Variants in DEAF1 observed in about 807,000 individuals in gnomAD.
DEAF1 encodes the protein deformed epidermal autoregulatory factor 1 homolog.
In DEAF1, 53 loss-of-function variants were observed where a neutral mutation model predicts 58.9. The observed-to-expected ratio is 0.90, with a 90% confidence interval of 0.72 to 1.13. The LOEUF (loss-of-function observed/expected upper bound fraction) is 1.13. DEAF1 is among the 50% of genes most tolerant of loss of function. The pLI, the probability that DEAF1 is intolerant of heterozygous loss-of-function variation, is 0.00. For missense variants in DEAF1, 685 were observed against 791.4 expected (o/e 0.87, Z 1.61); for synonymous variants, 385 against 340.4 (o/e 1.13, Z -1.44).
chr11:681,756 G>A (rs1052145950), intron 6 of DEAF1, among the ~76,000 whole-genome samples: 1 of 152,008 alleles, frequency 6.6e-6, no homozygotes, highest in Admixed American at 6.6e-5. Flanking sequence ...ACATTCTCCA[G>A]TGAGGAGACA....
At chr11:664,195 A>G (rs942468676) in intron 10 of DEAF1, among the ~76,000 whole-genome samples, 4 of 152,084 alleles carry the variant, frequency 2.6e-5, no homozygotes, top group African/African-American at 9.7e-5. Flanking sequence ...CCTGGGCAAC[A>G]AGAGCGAAAC....
intron 11 of DEAF1, chr11:646,304 C>G (rs776491072): frequency 6.7e-6 from 1 of 148,444 alleles, no homozygotes; most frequent in Non-Finnish European, 1.5e-5. Flanking sequence ...GACTATAAAT[C>G]TACATAGCAT....
At chr11:671,023 G>A (rs1442164031) in intron 10 of DEAF1, among the ~76,000 whole-genome samples, 1 of 144,950 alleles carries the variant, frequency 6.9e-6, no homozygotes, top group Non-Finnish European at 1.5e-5. Context: ...CCACCTCCCG[G>A]GTTCACGCCA....
Position 685,259 on chromosome 11 carries a change from A to C in DEAF1, c.805-296T>G, listed in dbSNP as rs143627492. On this transcript the variant is annotated intron_variant, in intron 5 of 11. Coordinates refer to ENST00000382409, the MANE Select transcript of DEAF1 (RefSeq NM_021008.4). ...ACCACCACACCCAGCTAATTTTTGT[A>C]TTTTTAGTAGAGACAGGTTTTGCCA... Among the ~76,000 whole-genome samples the C allele has an allele frequency of 8.5e-3, 1,283 of 151,752 alleles. 17 individuals are homozygous for C. The highest frequency in any genetic ancestry group is 0.029 in the African/African-American group (1,218 of 41,414).
At chr11:695,241 A>C (rs1211510704), upstream of DEAF1, 1 of 491,310 alleles carries the variant, frequency 2.0e-6, no homozygotes, top group Non-Finnish European at 3.4e-6. Context: ...AGCGGAGCCG[A>C]GGCGAACAGA....
At chr11:646,362 C>T (rs1858499066) in intron 11 of DEAF1, 1 of 152,212 alleles carries the variant, frequency 6.6e-6, no homozygotes, top group Non-Finnish European at 1.5e-5. Flanking sequence ...AGACCCACCG[C>T]CCGCCCCTCC....
chr11:687,105 C>T (rs1204193424), intron 4 of DEAF1, 108 bp from the exon 5 acceptor site: 7 of 1,528,632 alleles, frequency 4.6e-6, no homozygotes, highest in Non-Finnish European at 4.5e-6. Flanking sequence ...AGCGCCCCAG[C>T]GGCTCATGTG....
intron 4 of DEAF1, among the ~76,000 whole-genome samples, chr11:687,353 G>A (rs1446419167): frequency 6.6e-6 from 1 of 152,020 alleles, no homozygotes; most frequent in Non-Finnish European, 1.5e-5. Context: ...GCTTCTTCTC[G>A]CTTGTCTCCT....
chr11:699,944 C>T (rs559919034), upstream of DEAF1: 41 of 562,838 alleles, frequency 7.3e-5, no homozygotes, highest in East Asian at 1.2e-3. Context: ...CCACAAAGGC[C>T]TTGTCAGCTC....
intron 10 of DEAF1, among the ~76,000 whole-genome samples, chr11:666,873 C>CAAAAA (rs532628897): frequency 5.0e-5 from 3 of 60,260 alleles, no homozygotes; most frequent in African/African-American, 6.4e-5. Flanking sequence ...ACTCTGTCTC[C>CAAAAA]AAAAAAAAAA....
intron 11 of DEAF1, among the ~76,000 whole-genome samples, chr11:647,002 T>C (rs1858527262): frequency 6.6e-6 from 1 of 151,662 alleles, no homozygotes; most frequent in African/African-American, 2.4e-5. Context: ...AAAAAAAATG[T>C]TTTAAAATTA....
intron 11 of DEAF1, chr11:651,414 G>GAAAAAAAAAAAAAAAAATAAAAA: frequency 4.3e-6 from 1 of 234,336 alleles, no homozygotes. Flanking sequence ...ATCTCTGTAA[G>GAAAAAAAAAAAAAAAAATAAAAA]AAAAAAAAAA....
At chr11:704,919 C>T in intron 1 of DEAF1, 1 of 350,044 alleles carries the variant, frequency 2.9e-6, no homozygotes, top group Non-Finnish European at 5.6e-6. Flanking sequence ...GGCACGGGTG[C>T]ACCGAGGGGT....
At chr11:673,629 A>G (rs1253247683) in intron 10 of DEAF1, among the ~76,000 whole-genome samples, 1 of 152,222 alleles carries the variant, frequency 6.6e-6, no homozygotes, top group Non-Finnish European at 1.5e-5. Context: ...TTTACAAACC[A>G]AAGTCCACGT....
intron 6 of DEAF1, among the ~76,000 whole-genome samples, chr11:681,492 G>A (rs1338813586): frequency 1.3e-5 from 2 of 150,428 alleles, no homozygotes; most frequent in Non-Finnish European, 2.9e-5. Context: ...CTCACTGCAA[G>A]CTCTGCCTCC....
chr11:682,861 G>C (rs747216635), intron 6 of DEAF1, among the ~76,000 whole-genome samples: 2 of 152,170 alleles, frequency 1.3e-5, no homozygotes, highest in African/African-American at 2.4e-5. Flanking sequence ...AAGGGGTTGA[G>C]AAATGCTGGT....
chr11:652,657 G>A (rs1243589322), intron 11 of DEAF1, among the ~76,000 whole-genome samples: 2 of 151,572 alleles, frequency 1.3e-5, no homozygotes, highest in Non-Finnish European at 2.9e-5. Flanking sequence ...AGAGAAGGAG[G>A]GCAGAAGGGC....
intron 10 of DEAF1, chr11:654,466 C>T (rs534247513): frequency 1.9e-4 from 84 of 453,418 alleles, no homozygotes; most frequent in African/African-American, 1.5e-3. Context: ...CGCCCAGCTC[C>T]CATTGGACTC....
intron 6 of DEAF1, among the ~76,000 whole-genome samples, 159 bp downstream of exon 6, chr11:684,738 AG>A (rs1306879570): frequency 6.6e-6 from 1 of 152,128 alleles, no homozygotes; most frequent in Non-Finnish European, 1.5e-5. Context: ...GTGACGTATC[AG>A]GGAGGAGGGA....
Sources: allele counts gnomAD v4.1 joint callset (sites outside exome capture counted in the v4.1 genomes callset), GRCh38; gene constraint gnomAD v4.1.1; transcripts MANE v1.5; gene names NCBI Gene and HGNC (gene_info 2026-07-23, HGNC 2026-07-21).